The following VPS26C variants were observed in gnomAD, a reference collection of about 807,000 sequenced individuals.
VPS26C encodes VPS26 endosomal protein sorting factor C, also known as vacuolar protein sorting-associated protein 26C.
Under a neutral mutation model 30.6 loss-of-function variants are expected in VPS26C, and 19 were observed. The ratio of observed to expected loss-of-function variants is 0.62; its 90% CI spans 0.43 to 0.91. The LOEUF (loss-of-function observed/expected upper bound fraction) is 0.91. Ranked by LOEUF, VPS26C falls within the 40% of genes least tolerant of loss-of-function variation. The pLI, the probability that VPS26C is intolerant of heterozygous loss-of-function variation, is 0.00. For synonymous variants in VPS26C, 132 were observed against 151.5 expected, an observed-to-expected ratio of 0.87 and a Z score of 0.95; for missense variants, 318 against 385.1, an observed-to-expected ratio of 0.83 and a Z score of 1.46.
At chr21:37,230,363 C>T (rs150205104) in intron 5 of VPS26C, among the ~76,000 whole-genome samples, 5 of 152,290 alleles carry the variant, frequency 3.3e-5, no homozygotes, top group Non-Finnish European at 7.4e-5. Flanking sequence ...TAAAATAAAC[C>T]TATACTATTT....
chr21:37,236,266 T>C (rs1332922739), intron 3 of VPS26C, among the ~76,000 whole-genome samples: 1 of 152,316 alleles, frequency 6.6e-6, no homozygotes, highest in East Asian at 1.9e-4. Context: ...GAGGCTGGCC[T>C]GTGTGACCAC....
intron 1 of VPS26C, among the ~76,000 whole-genome samples, chr21:37,262,127 G>A (rs772486377): frequency 1.3e-5 from 2 of 152,094 alleles, no homozygotes; most frequent in African/African-American, 2.4e-5. Flanking sequence ...GTCAACCTAA[G>A]TCACATTAAA....
At chr21:37,245,974 TG>T (rs1469419833) in intron 1 of VPS26C, among the ~76,000 whole-genome samples, 1 of 151,804 alleles carries the variant, frequency 6.6e-6, no homozygotes, top group African/African-American at 2.4e-5. Context: ...AGGGCAGAAA[TG>T]ACAAAATCCA....
At chr21:37,238,712 C>G (rs2086051451) in intron 2 of VPS26C, 103 bp from the exon 3 acceptor site, 4 of 1,388,130 alleles carry the variant, frequency 2.9e-6, no homozygotes, top group Non-Finnish European at 3.9e-6. Context: ...CCCCTGGAGG[C>G]CACCATCCTG....
chr21:37,242,782 C>G (rs531826469), intron 1 of VPS26C, among the ~76,000 whole-genome samples: 83 of 152,244 alleles, frequency 5.5e-4, no homozygotes, highest in African/African-American at 1.9e-3. Context: ...TCTGGGTCTC[C>G]CTGATGGGCA....
intron 1 of VPS26C, among the ~76,000 whole-genome samples, chr21:37,252,554 A>T (rs759499403): frequency 6.6e-6 from 1 of 152,212 alleles, no homozygotes; most frequent in Non-Finnish European, 1.5e-5. Flanking sequence ...ACAAACAAAC[A>T]AACTAAGACA....
chr21:37,267,424 G>A (rs899693434), upstream of VPS26C: 12 of 775,884 alleles, frequency 1.5e-5, no homozygotes, highest in African/African-American at 1.2e-4. Context: ...TGACCTCGCA[G>A]CGGCGTCGCA....
At position 37,257,710 on chromosome 21, in the gene VPS26C, G is replaced by A. The variant is rs140292764; in HGVS notation, c.57+9528C>T. Among the ~76,000 whole-genome samples, 418 of 152,308 alleles carry A rather than the reference G, an allele frequency of 2.7e-3. No individual in the cohort carries two copies. The highest frequency in any genetic ancestry group is 4.9e-3 in the Non-Finnish European group (335 of 68,028). On this transcript the variant is annotated intron_variant, in intron 1 of 7. Coordinates refer to ENST00000309117, the MANE Select transcript of VPS26C (RefSeq NM_006052.2). The surrounding 1 kb of genome is among the most constrained non-coding windows in gnomAD (Gnocchi z 4.2). ...CTTGCTCATGGTCAGCCCCAAGCACGGGCGGAAGAAAGGACTGGAGGGGAG... is the reference window on the plus strand; with the variant it reads ...CTTGCTCATGGTCAGCCCCAAGCACAGGCGGAAGAAAGGACTGGAGGGGAG...
chr21:37,229,826 G>T (rs947869907), intron 5 of VPS26C, among the ~76,000 whole-genome samples: 4 of 152,108 alleles, frequency 2.6e-5, no homozygotes, highest in African/African-American at 9.7e-5. Context: ...GTCCCCAAAG[G>T]TACAGACCTC....
rs1202947559 is a variant in VPS26C at position 37,257,713 on chromosome 21, CG to C, written c.57+9524del. On this transcript the variant is annotated intron_variant, in intron 1 of 7. Coordinates refer to ENST00000309117, the MANE Select transcript of VPS26C (RefSeq NM_006052.2). This position sits in a 1 kb window ranked among gnomAD's most constrained non-coding sequence, Gnocchi z 4.2. ...GCTCATGGTCAGCCCCAAGCACGGG[CG>C]GAAGAAAGGACTGGAGGGGAGGGAA... Among the ~76,000 whole-genome samples the C allele has an allele frequency of 6.6e-6, 1 of 151,152 alleles. No individual in the cohort carries two copies. Among genetic ancestry groups the C allele is most frequent in the Non-Finnish European group, 1.5e-5 (1 of 67,874 alleles).
At chr21:37,267,492 C>G, upstream of VPS26C, 1 of 600,560 alleles carries the variant, frequency 1.7e-6, no homozygotes, top group Non-Finnish European at 3.0e-6. Flanking sequence ...GGCACAAGAG[C>G]CGGCCTTAGT....
chr21:37,240,723 A>C (rs893069864), intron 1 of VPS26C, 84 bp from the exon 2 acceptor site: 2 of 1,502,304 alleles, frequency 1.3e-6, no homozygotes, highest in South Asian at 2.6e-5. Context: ...GGTCTCCTTC[A>C]TCATCAATTT....
intron 1 of VPS26C, among the ~76,000 whole-genome samples, chr21:37,246,657 C>T (rs909324967): frequency 2.6e-5 from 4 of 152,264 alleles, no homozygotes; most frequent in East Asian, 3.9e-4. Flanking sequence ...AGAATGTAAT[C>T]GACACTAGCT....
rs1054015660 is a variant in VPS26C at position 37,233,197 on chromosome 21, G to A, written c.432+165C>T. ...CTGGGCCCAGGACAATGATGCACAC[G>A]TGATGCGCATGCCACCGACTGTCTC... On this transcript the variant is annotated intron_variant, in intron 4 of 7. Coordinates refer to ENST00000309117, the MANE Select transcript of VPS26C (RefSeq NM_006052.2). This position sits in a 1 kb window ranked among gnomAD's most constrained non-coding sequence, Gnocchi z 5.2. 2.2e-5 allele frequency: 14 copies of A among 632,768 alleles called. No individual in the cohort carries two copies. The highest frequency in any genetic ancestry group is 5.5e-5 in the African/African-American group (3 of 55,012). The allele number at this position is 632,768 out of a possible 1,614,324, so 39.2% of individuals were successfully genotyped here.
At chr21:37,241,007 C>T (rs929596401) in intron 1 of VPS26C, among the ~76,000 whole-genome samples, 1 of 152,222 alleles carries the variant, frequency 6.6e-6, no homozygotes, top group Non-Finnish European at 1.5e-5. Context: ...CACACATGGG[C>T]ATGGATGAGG....
chr21:37,238,214 C>T, intron 3 of VPS26C: 1 of 475,456 alleles, frequency 2.1e-6, no homozygotes, highest in Admixed American at 4.0e-5. Flanking sequence ...TGAAAAGAGC[C>T]CAGAAGAAAC....
Position 37,228,253 on chromosome 21 carries a change from C to G in VPS26C, c.628G>C (p.Glu210Gln). ...ESSEAAIRSV[E>Q]LQLVRVETCG... ...GTCTCCACGCGCACCAGCTGCAGCT[C>G]CACGCTTCTGATGGCGGCTTCCGAG... The change falls in exon 6 of 8, where the codon GAG (glutamate) becomes CAG (glutamine). Residue 210 changes from glutamate (E) to glutamine (Q), a missense_variant. Coordinates refer to ENST00000309117, the MANE Select transcript of VPS26C (RefSeq NM_006052.2). 6.2e-7 allele frequency: 1 copy of G among 1,612,484 alleles called. No individual in the cohort carries two copies. The highest frequency in any genetic ancestry group is 8.5e-7 in the Non-Finnish European group (1 of 1,179,586).
At chr21:37,251,474 CT>C (rs902403152) in intron 1 of VPS26C, among the ~76,000 whole-genome samples, 3 of 152,026 alleles carry the variant, frequency 2.0e-5, no homozygotes, top group African/African-American at 4.8e-5. Context: ...ATACATTCTA[CT>C]TTTTTTTAAA....
At chr21:37,267,396 T>G (rs537038829), upstream of VPS26C, 20 of 1,044,084 alleles carry the variant, frequency 1.9e-5, no homozygotes, top group Admixed American at 2.8e-4. Context: ...TTTCCCTCTC[T>G]GCCGGCAGTG....
Sources: allele counts gnomAD v4.1 joint callset (sites outside exome capture counted in the v4.1 genomes callset), GRCh38; gene constraint gnomAD v4.1.1; non-coding constraint Gnocchi (gnomAD v3.1); transcripts MANE v1.5; gene names NCBI Gene and HGNC (gene_info 2026-07-23, HGNC 2026-07-21).